Variants in INPP4B observed in about 807,000 individuals in gnomAD.
INPP4B encodes the protein inositol polyphosphate 4-phosphatase type II.
Under a neutral mutation model 122.5 loss-of-function variants are expected in INPP4B, and 55 were observed. That is an observed-to-expected ratio of 0.45 (90% CI 0.36 to 0.56). INPP4B has a LOEUF of 0.56. Ranked by LOEUF, INPP4B falls within the 20% of genes least tolerant of loss-of-function variation. The pLI is 0.00. For missense variants in INPP4B, 1,000 were observed against 1,097.7 expected (o/e 0.91, Z 1.26); for synonymous variants, 403 against 388.7 (o/e 1.04, Z -0.43).
intron 25 of INPP4B, among the ~76,000 whole-genome samples, chr4:142,060,856 C>T (rs982621128): frequency 1.3e-5 from 2 of 152,142 alleles, no homozygotes; most frequent in Non-Finnish European, 2.9e-5. Flanking sequence ...AAAGGGAAAA[C>T]AGGCAGACAT....
chr4:142,246,232 C>G (rs897030087), intron 11 of INPP4B, among the ~76,000 whole-genome samples: 6 of 151,818 alleles, frequency 4.0e-5, no homozygotes, highest in African/African-American at 1.5e-4. Context: ...CATGATGCCT[C>G]CAGCTTTGTT....
intron 2 of INPP4B, among the ~76,000 whole-genome samples, chr4:142,526,996 T>C (rs1827005368): frequency 6.6e-6 from 1 of 152,046 alleles, no homozygotes; most frequent in Admixed American, 6.6e-5. Context: ...TCAATTTACT[T>C]GTATTATTTA....
intron 23 of INPP4B, among the ~76,000 whole-genome samples, chr4:142,102,426 G>A (rs966488072): frequency 4.1e-5 from 6 of 147,984 alleles, no homozygotes; most frequent in Non-Finnish European, 8.9e-5. Context: ...TGGTTGATCA[G>A]ATTTTTAGTT....
chr4:142,206,602 C>G (rs1303242419), intron 14 of INPP4B, among the ~76,000 whole-genome samples: 1 of 151,934 alleles, frequency 6.6e-6, no homozygotes, highest in African/African-American at 2.4e-5. Flanking sequence ...ACTGAGATCT[C>G]ACTTTCACAT....
Position 142,747,022 on chromosome 4 carries a change from G to A in INPP4B, c.-253-21121C>T, listed in dbSNP as rs140326691. Among the ~76,000 whole-genome samples, 1,324 of 152,216 alleles carry A rather than the reference G, an allele frequency of 8.7e-3. 25 individuals are homozygous for A. The highest frequency in any genetic ancestry group is 0.031 in the African/African-American group (1,275 of 41,536). ...GCAACAAAAGCCAAAATTGAAAAATGGGATCTAATTAAACTAAAGAGCTTC... is the reference window on the plus strand; with the variant it reads ...GCAACAAAAGCCAAAATTGAAAAATAGGATCTAATTAAACTAAAGAGCTTC... On this transcript the variant is annotated intron_variant, in intron 1 of 25. Coordinates refer to ENST00000262992, the MANE Select transcript of INPP4B (RefSeq NM_001101669.3).
intron 1 of INPP4B, 93 bp from the exon 2 acceptor site, chr4:142,725,994 A>G: frequency 2.5e-6 from 1 of 392,844 alleles, no homozygotes. Flanking sequence ...AATAAAGGTC[A>G]GAGAAGAAAA....
intron 7 of INPP4B, among the ~76,000 whole-genome samples, chr4:142,397,482 T>C (rs72724560): frequency 0.29 from 43,749 of 152,116 alleles, 7,681 homozygotes; most frequent in South Asian, 0.46. Context: ...ATTTTGGATA[T>C]AGGTTTTTCT....
chr4:142,591,574 T>C (rs937033810), intron 2 of INPP4B, among the ~76,000 whole-genome samples: 1 of 152,038 alleles, frequency 6.6e-6, no homozygotes, highest in Non-Finnish European at 1.5e-5. Flanking sequence ...CCCCACTCCT[T>C]AAATGTGGTC....
At chr4:142,223,404 A>C in intron 12 of INPP4B, among the ~76,000 whole-genome samples, 1 of 152,296 alleles carries the variant, frequency 6.6e-6, no homozygotes, top group East Asian at 1.9e-4. Context: ...AGTGAGGTTT[A>C]TATTTATTCT....
At chr4:142,594,312 A>G (rs1287247469) in intron 2 of INPP4B, among the ~76,000 whole-genome samples, 2 of 152,192 alleles carry the variant, frequency 1.3e-5, no homozygotes, top group Non-Finnish European at 2.9e-5. Flanking sequence ...GAACATTTTT[A>G]TAGTGCTTGA....
intron 2 of INPP4B, among the ~76,000 whole-genome samples, chr4:142,652,894 T>G (rs1313579730): frequency 6.6e-6 from 1 of 152,120 alleles, no homozygotes; most frequent in Non-Finnish European, 1.5e-5. Context: ...AAAAAGAGCC[T>G]GCATTGCCAA....
intron 1 of INPP4B, among the ~76,000 whole-genome samples, chr4:142,730,966 A>T (rs1352195145): frequency 1.1e-4 from 2 of 17,954 alleles, no homozygotes; most frequent in African/African-American, 1.7e-4. Flanking sequence ...GTTTTTTTTT[A>T]AATTTAATTT....
intron 1 of INPP4B, among the ~76,000 whole-genome samples, chr4:142,841,576 A>C (rs1427157897): frequency 6.6e-6 from 1 of 151,898 alleles, no homozygotes; most frequent in Non-Finnish European, 1.5e-5. Flanking sequence ...TATTTCTGTC[A>C]AATTTTTCAT....
intron 11 of INPP4B, among the ~76,000 whole-genome samples, chr4:142,260,203 C>T (rs557999485): frequency 1.3e-5 from 2 of 152,260 alleles, no homozygotes; most frequent in African/African-American, 2.4e-5. Context: ...CCAGGATGGT[C>T]TCAATCTCTT....
chr4:142,032,147 C>T (rs1560877255), intron 25 of INPP4B, among the ~76,000 whole-genome samples: 1 of 152,046 alleles, frequency 6.6e-6, no homozygotes, highest in Non-Finnish European at 1.5e-5. Flanking sequence ...TGAGCTAGTG[C>T]ATTACCTAGT....
chr4:142,685,853 A>G (rs1759270347), intron 2 of INPP4B, among the ~76,000 whole-genome samples: 7 of 152,178 alleles, frequency 4.6e-5, no homozygotes, highest in Admixed American at 4.6e-4. Flanking sequence ...TTAAATAGGT[A>G]AGTCTATAAA....
chr4:142,282,905 A>G (rs1201914406), intron 9 of INPP4B, among the ~76,000 whole-genome samples: 2 of 152,054 alleles, frequency 1.3e-5, no homozygotes, highest in Non-Finnish European at 2.9e-5. Context: ...TACCACAGCA[A>G]TGGGGAGTGA....
At position 142,305,806 on chromosome 4, in the gene INPP4B, T is replaced by C. The variant is rs535779706; in HGVS notation, c.424-269A>G. ...GTAAAATACAGCACCCAGAGTTGTT[T>C]CACTAACTATAATTTTCTCTGCATA... On this transcript the variant is annotated intron_variant, in intron 8 of 25. Transcript: ENST00000262992. 4.1e-5 allele frequency: 49 copies of C among 1,204,442 alleles called. No individual in the cohort carries two copies. In the South Asian group the frequency reaches 8.4e-4, roughly 21 times the overall value. 74.6% of individuals were successfully genotyped at this position (1,204,442 alleles called of 1,614,324 possible).
chr4:142,540,610 G>T (rs991946555), intron 2 of INPP4B, among the ~76,000 whole-genome samples: 2 of 152,158 alleles, frequency 1.3e-5, no homozygotes, highest in African/African-American at 4.8e-5. Context: ...GAGGCAGTCT[G>T]TGTGTCTACA....
Sources: allele counts gnomAD v4.1 joint callset (sites outside exome capture counted in the v4.1 genomes callset), GRCh38; gene constraint gnomAD v4.1.1; transcripts MANE v1.5; gene names NCBI Gene and HGNC (gene_info 2026-07-23, HGNC 2026-07-21).